Variants in TRIM24 observed in about 807,000 individuals in gnomAD.
TRIM24 encodes transcription intermediary factor 1-alpha.
Under a neutral mutation model 123.9 loss-of-function variants are expected in TRIM24, and 29 were observed. The observed-to-expected ratio is 0.23, with a 90% confidence interval of 0.17 to 0.32. TRIM24 has a LOEUF of 0.32. Among genes scored for constraint, TRIM24 ranks in the 10% least tolerant of loss-of-function variants. The pLI is 1.00. For synonymous variants in TRIM24, 456 were observed against 461.1 expected (o/e 0.99, Z 0.14); for missense variants, 932 against 1,295.3 (o/e 0.72, Z 4.31).
chr7:138,491,561 A>G (rs1393185394), intron 1 of TRIM24, among the ~76,000 whole-genome samples: 2 of 150,140 alleles, frequency 1.3e-5, no homozygotes, highest in Non-Finnish European at 3.0e-5. Flanking sequence ...AGGGTATAGC[A>G]CATTTTATTT....
At chr7:138,529,895 C>T (rs763625020) in intron 6 of TRIM24, among the ~76,000 whole-genome samples, 54 of 151,554 alleles carry the variant, frequency 3.6e-4, no homozygotes, top group African/African-American at 1.2e-3. Flanking sequence ...TCTTTTAGTA[C>T]GTTGACATAG....
At chr7:138,516,096 G>A (rs1040771206) in intron 3 of TRIM24, among the ~76,000 whole-genome samples, 3 of 152,072 alleles carry the variant, frequency 2.0e-5, no homozygotes, top group Non-Finnish European at 4.4e-5. Flanking sequence ...TCAGGAGATC[G>A]AGACCATCCT....
chr7:138,473,330 G>A (rs1795318230), intron 1 of TRIM24, among the ~76,000 whole-genome samples: 1 of 152,156 alleles, frequency 6.6e-6, no homozygotes, highest in Admixed American at 6.5e-5. Flanking sequence ...TCAAATTAAT[G>A]TGTGGTTTCT....
At chr7:138,489,822 A>G (rs1795738816) in intron 1 of TRIM24, among the ~76,000 whole-genome samples, 3 of 151,908 alleles carry the variant, frequency 2.0e-5, no homozygotes. Flanking sequence ...TCTGACAATT[A>G]TGTGTCTTGG....
In TRIM24 at chr7:138,580,649, A is replaced by G. The variant is rs1351937556; in HGVS notation, c.2673A>G (p.Lys891=). The G allele has an allele frequency of 4.3e-6, 7 of 1,613,822 alleles. No homozygotes were observed. In the East Asian group the frequency reaches 1.6e-4, roughly 36 times the overall value. Residue 891 remains lysine, a synonymous_variant, in exon 16 of 19, where the codon AAA becomes AAG. Coordinates refer to ENST00000343526, the MANE Select transcript of TRIM24 (RefSeq NM_015905.3). ...ATGCTCCCAGTCACAACTCAGAAAAAAAGAAAACTGAAGGCCTTGTTAAGT... is the reference window on the plus strand; with the variant it reads ...ATGCTCCCAGTCACAACTCAGAAAAGAAGAAAACTGAAGGCCTTGTTAAGT... ...DCDAPSHNSE[K]KKTEGLVKLT...
chr7:138,472,154 G>A (rs192918118), intron 1 of TRIM24, among the ~76,000 whole-genome samples: 117 of 152,136 alleles, frequency 7.7e-4, no homozygotes, highest in Non-Finnish European at 1.5e-3. Context: ...AAGTGGGGAG[G>A]AATGGGATAA....
Position 138,585,999 on chromosome 7 carries a change from ATT to A in TRIM24, c.*1059_*1060del, listed in dbSNP as rs199725947. 145 of 370,624 alleles carry A rather than the reference ATT, an allele frequency of 3.9e-4. No individual in the cohort carries two copies. Among genetic ancestry groups the A allele is most frequent in the South Asian group, 7.2e-4 (34 of 46,926 alleles). The allele number at this position is 370,624 out of a possible 1,614,324, so 23.0% of individuals were successfully genotyped here. A position where few individuals can be genotyped will look rare whatever the true frequency, so the allele number is the denominator to read the frequency against. On this transcript the variant is annotated 3_prime_UTR_variant, in exon 19 of 19. Transcript: ENST00000343526. ...AGGCAGCTGGGGGGAATTAATAGTG[ATT>A]TTTTTTTTTTCCTGAAGCATCTATC...
At chr7:138,467,004 A>G (rs911984556) in intron 1 of TRIM24, among the ~76,000 whole-genome samples, 4 of 152,138 alleles carry the variant, frequency 2.6e-5, no homozygotes, top group African/African-American at 9.7e-5. Context: ...TAAAAACTGT[A>G]TGTTAAAACA....
chr7:138,492,618 G>A (rs879519043), intron 1 of TRIM24, among the ~76,000 whole-genome samples: 12 of 152,162 alleles, frequency 7.9e-5, no homozygotes, highest in Non-Finnish European at 7.3e-5. Context: ...GCTTGATGAA[G>A]GGAGAGGCTA....
chr7:138,464,493 G>A (rs1241362623), intron 1 of TRIM24, among the ~76,000 whole-genome samples: 1 of 151,868 alleles, frequency 6.6e-6, no homozygotes, highest in African/African-American at 2.4e-5. Context: ...AAGCAGGGGG[G>A]CAGACTCTTC....
chr7:138,539,306 T>G (rs1355413107), intron 7 of TRIM24, among the ~76,000 whole-genome samples: 1 of 152,198 alleles, frequency 6.6e-6, no homozygotes, highest in Admixed American at 6.5e-5. Context: ...TTCTTGGTGC[T>G]GCACGGCAAT....
At chr7:138,519,065 G>A in intron 3 of TRIM24, 124 bp from the exon 4 acceptor site, 8 of 1,079,922 alleles carry the variant, frequency 7.4e-6, no homozygotes, top group East Asian at 2.7e-5. Flanking sequence ...TGAAAGTTAT[G>A]GTATAGTATA....
At chr7:138,539,223 T>C (rs963342801) in intron 7 of TRIM24, among the ~76,000 whole-genome samples, 3 of 152,132 alleles carry the variant, frequency 2.0e-5, no homozygotes, top group Non-Finnish European at 2.9e-5. Flanking sequence ...GTAACATGTC[T>C]AACATCACAC....
chr7:138,477,524 G>A (rs946870854), intron 1 of TRIM24, among the ~76,000 whole-genome samples: 2 of 152,024 alleles, frequency 1.3e-5, no homozygotes, highest in Non-Finnish European at 2.9e-5. Context: ...ACAAATGAAC[G>A]TTGTTCTGTA....
intron 1 of TRIM24, among the ~76,000 whole-genome samples, chr7:138,476,149 A>G (rs1795391708): frequency 6.6e-6 from 1 of 152,220 alleles, no homozygotes; most frequent in Non-Finnish European, 1.5e-5. Context: ...CAACTGGACA[A>G]AAACTTCAGT....
chr7:138,461,441 T>C (rs1794969719), intron 1 of TRIM24: 1 of 357,912 alleles, frequency 2.8e-6, no homozygotes, highest in South Asian at 2.1e-5. Flanking sequence ...TTATCTTGCA[T>C]GTTTGGGGCT....
intron 9 of TRIM24, among the ~76,000 whole-genome samples, chr7:138,559,985 G>C (rs1797392296): frequency 6.6e-6 from 1 of 152,176 alleles, no homozygotes; most frequent in Non-Finnish European, 1.5e-5. Flanking sequence ...GCCTTCTTAA[G>C]GTTAATTCCC....
chr7:138,532,822 A>G (rs1256943985), intron 6 of TRIM24, among the ~76,000 whole-genome samples: 4 of 152,158 alleles, frequency 2.6e-5, no homozygotes, highest in Admixed American at 6.5e-5. Context: ...CATTTTCACA[A>G]TATTGATTCT....
chr7:138,573,758 A>G, intron 12 of TRIM24, 116 bp downstream of exon 12: 1 of 1,159,126 alleles, frequency 8.6e-7, no homozygotes, highest in South Asian at 1.6e-5. Flanking sequence ...GTTTTTCACT[A>G]TTTAAAATTA....
Sources: allele counts gnomAD v4.1 joint callset (sites outside exome capture counted in the v4.1 genomes callset), GRCh38; gene constraint gnomAD v4.1.1; transcripts MANE v1.5; gene names NCBI Gene and HGNC (gene_info 2026-07-23, HGNC 2026-07-21).